The following IL19 variants were observed in gnomAD, a reference collection of about 807,000 sequenced individuals.
IL19 encodes the protein interleukin 19, also known as interleukin-19.
In IL19, 15 loss-of-function variants were observed where a neutral mutation model predicts 19.5. The ratio of observed to expected loss-of-function variants is 0.77; its 90% CI spans 0.52 to 1.19. IL19 has a LOEUF of 1.19. Ranked by LOEUF, IL19 falls within the 50% of genes most tolerant of loss-of-function variation. The probability of loss-of-function intolerance (pLI) is 0.00; values close to 1 mark genes in which losing one functional copy is unlikely to be tolerated. For synonymous variants in IL19, 78 were observed against 78.3 expected, an observed-to-expected ratio of 1.00 and a Z score of 0.02; for missense variants, 199 against 213.1, an observed-to-expected ratio of 0.93 and a Z score of 0.41.
At chr1:206,811,300 C>T (rs1676001958) in intron 2 of IL19, among the ~76,000 whole-genome samples, 1 of 151,782 alleles carries the variant, frequency 6.6e-6, no homozygotes, top group Non-Finnish European at 1.5e-5. Flanking sequence ...AAAAATTAGC[C>T]AGGTGTGGTG....
intron 1 of IL19, among the ~76,000 whole-genome samples, chr1:206,771,781 A>G (rs1674851935): frequency 6.6e-6 from 1 of 152,096 alleles, no homozygotes; most frequent in African/African-American, 2.4e-5. Flanking sequence ...CTTTCTCCCC[A>G]CTGTAGACAT....
intron 1 of IL19, among the ~76,000 whole-genome samples, chr1:206,797,321 G>T (rs1399357404): frequency 1.3e-5 from 2 of 152,062 alleles, no homozygotes; most frequent in Non-Finnish European, 2.9e-5. Flanking sequence ...ATGGCGGAGG[G>T]TGGGGTGAGG....
At chr1:206,791,549 C>T (rs1039253953) in intron 1 of IL19, among the ~76,000 whole-genome samples, 3 of 152,102 alleles carry the variant, frequency 2.0e-5, no homozygotes, top group Non-Finnish European at 2.9e-5. Context: ...GTGATCTGCC[C>T]GCCTTGGCCT....
At chr1:206,798,791 C>T in intron 1 of IL19, 70 bp from the exon 2 acceptor site, 1 of 842,250 alleles carries the variant, frequency 1.2e-6, no homozygotes, top group Non-Finnish European at 1.9e-6. Context: ...TTGCCGACCT[C>T]AAAGCCACCA....
chr1:206,815,886 A>T (rs1323691459), intron 2 of IL19, among the ~76,000 whole-genome samples: 4 of 152,218 alleles, frequency 2.6e-5, no homozygotes, highest in Admixed American at 6.5e-5. Flanking sequence ...TAGCAAAATG[A>T]TGTACAGCAG....
intron 2 of IL19, among the ~76,000 whole-genome samples, chr1:206,805,506 G>A (rs1675827082): frequency 6.6e-6 from 1 of 152,208 alleles, no homozygotes; most frequent in South Asian, 2.1e-4. Flanking sequence ...AATCCAAATG[G>A]AAGAAATATT....
At chr1:206,809,258 C>T (rs768700729) in intron 2 of IL19, among the ~76,000 whole-genome samples, 1 of 152,202 alleles carries the variant, frequency 6.6e-6, no homozygotes, top group Admixed American at 6.5e-5. Flanking sequence ...AGACTGCTCT[C>T]ATCTGAAAGG....
chr1:206,815,224 G>A (rs972478168), intron 2 of IL19, among the ~76,000 whole-genome samples: 3 of 152,198 alleles, frequency 2.0e-5, no homozygotes, highest in African/African-American at 7.2e-5. Context: ...CAGCCTGAGA[G>A]AGAAAATGAG....
chr1:206,837,224 G>A (rs1676827220), intron 4 of IL19, among the ~76,000 whole-genome samples: 1 of 152,166 alleles, frequency 6.6e-6, no homozygotes, highest in Non-Finnish European at 1.5e-5. Context: ...AATTAAAGAA[G>A]TGCTGCTTCC....
intron 2 of IL19, chr1:206,834,079 T>A: frequency 1.0e-6 from 1 of 985,582 alleles, no homozygotes; most frequent in Non-Finnish European, 1.2e-6. Context: ...TTTTTCTGCA[T>A]GGACATAGAA....
chr1:206,838,739 C>CCCTTT (rs1414176364), intron 4 of IL19, among the ~76,000 whole-genome samples: 24 of 3,868 alleles, frequency 6.2e-3, no homozygotes, highest in South Asian at 0.019. Context: ...CCCTTCCTTT[C>CCCTTT]CCTTCCCTTC....
intron 1 of IL19, among the ~76,000 whole-genome samples, chr1:206,783,747 C>A (rs6667202): frequency 0.6 from 90,524 of 152,010 alleles, 27,989 homozygotes; most frequent in East Asian, 0.97. Context: ...GTTAAGTGTG[C>A]GGGCCCTGGA....
chr1:206,786,622 G>A (rs1047061231), intron 1 of IL19, among the ~76,000 whole-genome samples: 5 of 152,120 alleles, frequency 3.3e-5, no homozygotes, highest in Admixed American at 1.3e-4. Context: ...AGCAGCCCAC[G>A]TTGAGCCAGA....
intron 1 of IL19, among the ~76,000 whole-genome samples, chr1:206,780,151 A>G (rs1675097406): frequency 6.6e-6 from 1 of 152,190 alleles, no homozygotes; most frequent in South Asian, 2.1e-4. Context: ...ATCTTCTCAG[A>G]ACACCTTGCT....
chr1:206,779,760 C>T (rs963947169), intron 1 of IL19, among the ~76,000 whole-genome samples: 4 of 152,082 alleles, frequency 2.6e-5, no homozygotes, highest in Non-Finnish European at 5.9e-5. Context: ...TCTGCTTCAA[C>T]TTGCGGCACT....
At chr1:206,818,894 C>A (rs74376794) in intron 2 of IL19, among the ~76,000 whole-genome samples, 23,058 of 149,406 alleles carry the variant, frequency 0.15, 2,039 homozygotes, top group East Asian at 0.37. Flanking sequence ...CTCACTGCAA[C>A]CTCCGCCTCC....
chr1:206,836,671 A>G lies in IL19; in HGVS notation c.9A>G (p.Leu3=). 6.2e-7 allele frequency: 1 copy of G among 1,607,328 alleles called. No homozygotes were observed. The highest frequency in any genetic ancestry group is 1.1e-5 in the South Asian group (1 of 89,676). The part of the protein sequence containing the change: MK[L]QCVSLWLLGT... ...CTCTCCTTTCTGCAGGCATGAAGTTACAGTGTGTTTCCCTTTGGCTCCTGG... is the reference window on the plus strand; with the variant it reads ...CTCTCCTTTCTGCAGGCATGAAGTTGCAGTGTGTTTCCCTTTGGCTCCTGG... The change falls in exon 3 of 7, where the codon TTA becomes TTG. Residue 3 remains leucine (L), a synonymous_variant. Coordinates refer to ENST00000659997, the MANE Select transcript of IL19 (RefSeq NM_153758.5).
chr1:206,816,566 T>C (rs1318429073), intron 2 of IL19, among the ~76,000 whole-genome samples: 1 of 151,428 alleles, frequency 6.6e-6, no homozygotes, highest in Admixed American at 6.6e-5. Context: ...GGAGATAAAA[T>C]GGAATAATGA....
chr1:206,771,153 G>A, intron 1 of IL19, 75 bp downstream of exon 1: 1 of 1,415,886 alleles, frequency 7.1e-7, no homozygotes, highest in Non-Finnish European at 1.0e-6. Context: ...CTTGGTTCTA[G>A]CGATCCTCCT....
Sources: gnomAD v4.1 joint callset for allele counts (sites outside exome capture counted in the v4.1 genomes callset) on GRCh38, gnomAD v4.1.1 for gene constraint, MANE v1.5 for transcripts, NCBI Gene and HGNC (gene_info 2026-07-23, HGNC 2026-07-21) for gene names.